Variants in YJEFN3 observed in about 807,000 individuals in gnomAD.
YJEFN3 encodes YjeF N-terminal domain containing 3, also known as yjeF N-terminal domain-containing protein 3.
In YJEFN3, 29 loss-of-function variants were observed where a neutral mutation model predicts 31.5. That is an observed-to-expected ratio of 0.92 (90% confidence interval 0.69 to 1.26). The LOEUF is 1.26. Ranked by LOEUF, YJEFN3 falls within the 50% of genes most tolerant of loss-of-function variation. YJEFN3 has a pLI of 0.00. For missense variants in YJEFN3, 442 were observed against 425.4 expected, an observed-to-expected ratio of 1.04 and a Z score of -0.34; for synonymous variants, 227 against 196.1, an observed-to-expected ratio of 1.16 and a Z score of -1.32.
intron 6 of YJEFN3, 33 bp downstream of exon 6, chr19:19,535,712 T>TG: frequency 6.5e-7 from 1 of 1,542,034 alleles, no homozygotes. Flanking sequence ...CATTGGGGCC[T>TG]GGGGGGCTTG....
rs763165168 is a variant in YJEFN3 at position 19,537,386 on chromosome 19, G to A, written c.762G>A (p.Ala254=). ...GGCCTGACGTGCTGGTGTCTCTCGC[G>A]GCGCCCAAGCGCTGCGCTGGCCGCT... ...GLRPDVLVSL[A]APKRCAGRFS... The change falls in exon 7 of 7, where the codon GCG becomes GCA. Residue 254 remains alanine, a synonymous_variant. Coordinates refer to ENST00000514277, the MANE Select transcript of YJEFN3 (RefSeq NM_198537.4). 6.3e-6 allele frequency: 10 copies of A among 1,593,938 alleles called. No homozygotes were observed. The East Asian group carries it at 2.2e-4, about 36-fold the overall frequency.
chr19:19,534,363 C>T lies in YJEFN3; in HGVS notation c.319-671C>T. The T allele has an allele frequency of 5.2e-6, 1 of 193,938 alleles. No homozygotes were observed. Among genetic ancestry groups the T allele is most frequent in the Non-Finnish European group, 9.4e-6 (1 of 106,708 alleles). 12.0% of individuals were successfully genotyped at this position (193,938 alleles called of 1,614,324 possible). On this transcript the variant is annotated intron_variant, in intron 3 of 6. Transcript: ENST00000514277. The surrounding 1 kb of genome is among the most constrained non-coding windows in gnomAD (Gnocchi z 4.6). ...ACAGCCAGAGACAGATGGAGAGAGACAGAGACACAAAGAGAGCCAGAGACA... is the reference window on the plus strand; with the variant it reads ...ACAGCCAGAGACAGATGGAGAGAGATAGAGACACAAAGAGAGCCAGAGACA...
At chr19:19,529,095 G>A (rs964247760) in intron 1 of YJEFN3, 104 bp downstream of exon 1, 9 of 1,498,984 alleles carry the variant, frequency 6.0e-6, no homozygotes, top group Non-Finnish European at 8.0e-6. Context: ...AATGGGGTCC[G>A]GGGACTGGAG....
At chr19:19,531,057 A>G (rs1381455364) in intron 2 of YJEFN3, among the ~76,000 whole-genome samples, 1 of 152,118 alleles carries the variant, frequency 6.6e-6, no homozygotes, top group East Asian at 1.9e-4. Context: ...ACCTGCCACG[A>G]TGTGCCAGGC....
At chr19:19,530,184 T>C (rs1600357614) in intron 2 of YJEFN3, among the ~76,000 whole-genome samples, 1 of 152,164 alleles carries the variant, frequency 6.6e-6, no homozygotes, top group South Asian at 2.1e-4. Flanking sequence ...CCAGTTCCCT[T>C]TGGACCCAGG....
intron 3 of YJEFN3, 53 bp downstream of exon 3, chr19:19,532,793 T>C: frequency 2.2e-6 from 3 of 1,395,292 alleles, no homozygotes; most frequent in South Asian, 2.5e-5. Context: ...CCAACTCTCC[T>C]GAGCTGCATG....
chr19:19,534,987 AG>A lies in YJEFN3; in HGVS notation c.319-45del, dbSNP rs775700609. ...GCCTCAGTTTCCTCTCCAGGCAAGG[AG>A]GAATCTGGACTGTGCCTGTGCCTTT... On this transcript the variant is annotated intron_variant, in intron 3 of 6. Coordinates refer to ENST00000514277, the MANE Select transcript of YJEFN3 (RefSeq NM_198537.4). The surrounding 1 kb of genome is among the most constrained non-coding windows in gnomAD (Gnocchi z 4.6). 542 of 1,470,860 alleles carry A rather than the reference AG, an allele frequency of 3.7e-4. No individual in the cohort carries two copies. In the Middle Eastern group the frequency reaches 0.011, roughly 30 times the overall value. 91.1% of individuals were successfully genotyped at this position (1,470,860 alleles called of 1,614,324 possible).
chr19:19,529,210 G>T (rs2061129001), intron 1 of YJEFN3, 154 bp from the exon 2 acceptor site: 1 of 985,352 alleles, frequency 1.0e-6, no homozygotes, highest in African/African-American at 1.7e-5. Flanking sequence ...GGGAATCCGA[G>T]ACCCTCCTGG....
intron 2 of YJEFN3, among the ~76,000 whole-genome samples, chr19:19,531,523 C>T (rs1050433870): frequency 6.6e-6 from 1 of 151,952 alleles, no homozygotes; most frequent in South Asian, 2.1e-4. Context: ...TGAAGTGATC[C>T]TCCTGCCTCA....
chr19:19,529,482 C>G lies in YJEFN3; in HGVS notation c.178C>G (p.Gln60Glu), dbSNP rs1449845860. 1 of 1,614,050 alleles carries G rather than the reference C, an allele frequency of 6.2e-7. No homozygotes were observed. Among genetic ancestry groups the G allele is most frequent in the Admixed American group, 1.7e-5 (1 of 59,986 alleles). Residue 60 changes from glutamine (Q) to glutamate (E), a missense_variant, in exon 2 of 7, where the codon CAG (glutamine) becomes GAG (glutamate). Transcript: ENST00000514277. ...QAWGRQSWLE[Q>E]IWNAGPVCQS... Reference sequence around the variant, plus strand: ...CTGGGGAAGGCAGTCATGGCTAGAGCAGATTTGGAACGCAGGGCCTGTTTG... The same window carrying G: ...CTGGGGAAGGCAGTCATGGCTAGAGGAGATTTGGAACGCAGGGCCTGTTTG...
rs572316855 is a variant in YJEFN3 at position 19,535,081 on chromosome 19, C to T, written c.366C>T (p.Val122=). 49 of 1,611,892 alleles carry T rather than the reference C, an allele frequency of 3.0e-5. No homozygotes were observed. Among genetic ancestry groups the T allele is most frequent in the Admixed American group, 1.7e-4 (10 of 59,612 alleles). ...CCCGGAAGCAGAGGACGGTGCTGGTCGTGTGTGGCCCGGAGCAGAACGGGG... is the reference window on the plus strand; with the variant it reads ...CCCGGAAGCAGAGGACGGTGCTGGTTGTGTGTGGCCCGGAGCAGAACGGGG... ...ALSRKQRTVL[V]VCGPEQNGAV... Residue 122 remains valine (V), a synonymous_variant, in exon 4 of 7, where the codon GTC becomes GTT. Coordinates refer to ENST00000514277, the MANE Select transcript of YJEFN3 (RefSeq NM_198537.4).
Position 19,532,635 on chromosome 19 carries a change from C to A in YJEFN3, c.213C>A (p.Thr71=), listed in dbSNP as rs868815111. Residue 71 remains threonine, a synonymous_variant, in exon 3 of 7, where the codon ACC becomes ACA. Transcript: ENST00000514277. ...TCCCATCCCACTCTGTCCCCAGCAC[C>A]GCGGAGGCAGCCGCCCTGGAGCGGG... ...IWNAGPVCQS[T]AEAAALEREL... is the part of the protein sequence containing the mutation. 1 of 1,549,156 alleles carries A rather than the reference C, an allele frequency of 6.5e-7. No individual in the cohort carries two copies. The highest frequency in any genetic ancestry group is 8.7e-7 in the Non-Finnish European group (1 of 1,152,986).
chr19:19,535,402 C>G lies in YJEFN3; in HGVS notation c.495C>G (p.Thr165=), dbSNP rs760480998. Residue 165 remains threonine, a synonymous_variant, in exon 5 of 7, where the codon ACC becomes ACG. Coordinates refer to ENST00000514277, the MANE Select transcript of YJEFN3 (RefSeq NM_198537.4). The stretch of plus-strand genomic sequence containing the variant: ...ACCTGCTGCATCGGGACCTGACCAC[C>G]CAGTGCGAGAAGATGGACATCCCCT... The part of the protein sequence containing the change: ...SLDLLHRDLT[T]QCEKMDIPFL... The G allele has an allele frequency of 9.3e-6, 15 of 1,613,906 alleles. No individual in the cohort carries two copies. The highest frequency in any genetic ancestry group is 1.3e-5 in the Non-Finnish European group (15 of 1,180,012).
At position 19,528,916 on chromosome 19, in the gene YJEFN3, C is replaced by T; in HGVS notation, c.-17C>T. The stretch of plus-strand genomic sequence containing the variant: ...TGGCGGTGGCGGCAGCGCCCGGCGC[C>T]CGGGCTCACCTCGGCCATGAGCAGC... On this transcript the variant is annotated 5_prime_UTR_variant, in exon 1 of 7. Coordinates refer to ENST00000514277, the MANE Select transcript of YJEFN3 (RefSeq NM_198537.4). The T allele has an allele frequency of 6.5e-7, 1 of 1,547,164 alleles. No individual in the cohort carries two copies. Among genetic ancestry groups the T allele is most frequent in the Non-Finnish European group, 8.7e-7 (1 of 1,145,882 alleles).
At chr19:19,533,670 G>A (rs1261947116) in intron 3 of YJEFN3, 4 of 984,110 alleles carry the variant, frequency 4.1e-6, no homozygotes, top group Admixed American at 6.2e-5. Context: ...TTATTACCAC[G>A]GTATACTTTT....
At chr19:19,535,202 CCTT>C in intron 4 of YJEFN3, 58 bp downstream of exon 4, 1 of 1,530,350 alleles carries the variant, frequency 6.5e-7, no homozygotes, top group South Asian at 1.2e-5. Context: ...GAAATCACTG[CCTT>C]CTTTTGATAG....
At position 19,535,584 on chromosome 19, in the gene YJEFN3, G is replaced by T; in HGVS notation, c.599G>T (p.Gly200Val). Residue 200 changes from glycine to valine, a missense_variant, in exon 6 of 7, where the codon GGC becomes GTC. Gly to Val is a moderately radical substitution (Grantham distance 109). Transcript: ENST00000514277. ...GTGGTGGATGCCGTACTGGGCCCCG[G>T]CGTGGAGCCGGGCGAGGTCGGGGGC... is the stretch of plus-strand genomic sequence containing the variant. ...GLVVDAVLGPGVEPGEVGGPC... is the reference protein window; with the variant it reads ...GLVVDAVLGPVVEPGEVGGPC... 1 of 1,581,602 alleles carries T rather than the reference G, an allele frequency of 6.3e-7. No homozygotes were observed. Among genetic ancestry groups the T allele is most frequent in the South Asian group, 1.2e-5 (1 of 86,912 alleles).
chr19:19,534,952 C>G lies in YJEFN3; in HGVS notation c.319-82C>G. On this transcript the variant is annotated intron_variant, in intron 3 of 6. Transcript: ENST00000514277. The surrounding 1 kb of genome is among the most constrained non-coding windows in gnomAD (Gnocchi z 4.6). ...TCCAGGCCCAAGCCCCATCCCTTCCCCTACTCCGGGCCTCAGTTTCCTCTC... is the reference window on the plus strand; with the variant it reads ...TCCAGGCCCAAGCCCCATCCCTTCCGCTACTCCGGGCCTCAGTTTCCTCTC... The G allele has an allele frequency of 1.6e-6, 2 of 1,263,136 alleles. No homozygotes were observed. The highest frequency in any genetic ancestry group is 2.2e-6 in the Non-Finnish European group (2 of 924,034). 78.2% of individuals were successfully genotyped at this position (1,263,136 alleles called of 1,614,324 possible). A position where few individuals can be genotyped will look rare whatever the true frequency, so the allele number is the denominator to read the frequency against.
At chr19:19,531,023 T>TTTTGCTA in intron 2 of YJEFN3, among the ~76,000 whole-genome samples, 1 of 152,286 alleles carries the variant, frequency 6.6e-6, no homozygotes, top group Middle Eastern at 3.4e-3. Flanking sequence ...GGGCCTTGGC[T>TTTTGCTA]TTTGCTATTC....
Sources: gnomAD v4.1 joint callset for allele counts (sites outside exome capture counted in the v4.1 genomes callset) on GRCh38, gnomAD v4.1.1 for gene constraint, Gnocchi (gnomAD v3.1) non-coding constraint, MANE v1.5 for transcripts, NCBI Gene and HGNC (gene_info 2026-07-23, HGNC 2026-07-21) for gene names.